PCLO: variants seen among roughly 807,000 people sequenced by gnomAD.
PCLO encodes the protein protein piccolo.
Under a neutral mutation model 427.5 loss-of-function variants are expected in PCLO, and 82 were observed. The ratio of observed to expected loss-of-function variants is 0.19; its 90% confidence interval spans 0.16 to 0.23. PCLO has a LOEUF of 0.23. Among genes scored for constraint, PCLO ranks in the 10% least tolerant of loss-of-function variants. The pLI, the probability that PCLO is intolerant of heterozygous loss-of-function variation, is 1.00. For missense variants in PCLO, 6,239 were observed against 6,115.9 expected (o/e 1.02, Z -0.67); for synonymous variants, 2,357 against 2,155.4 (o/e 1.09, Z -2.59).
intron 8 of PCLO, among the ~76,000 whole-genome samples, chr7:82,906,808 G>T (rs900998974): frequency 6.6e-6 from 1 of 151,804 alleles, no homozygotes; most frequent in Admixed American, 6.6e-5. Flanking sequence ...TTGTTTGTAT[G>T]TTAGATGTGA....
At chr7:83,158,867 T>A (rs1792366120) in intron 1 of PCLO, among the ~76,000 whole-genome samples, 1 of 151,818 alleles carries the variant, frequency 6.6e-6, no homozygotes, top group Non-Finnish European at 1.5e-5. Context: ...GATCTTTGAG[T>A]GGGAAATGGA....
chr7:82,812,370 G>C (rs1220154455), intron 20 of PCLO, among the ~76,000 whole-genome samples: 1 of 151,444 alleles, frequency 6.6e-6, no homozygotes, highest in East Asian at 1.9e-4. Context: ...ATACATGTTG[G>C]CTCCGTATAC....
At chr7:82,964,336 C>T (rs1425647827) in intron 4 of PCLO, among the ~76,000 whole-genome samples, 6 of 151,874 alleles carry the variant, frequency 4.0e-5, no homozygotes, top group Non-Finnish European at 8.8e-5. Context: ...ACTGTTTCTA[C>T]AGAGAAGTGG....
At chr7:82,829,640 T>C (rs1792042206) in intron 16 of PCLO, among the ~76,000 whole-genome samples, 1 of 152,136 alleles carries the variant, frequency 6.6e-6, no homozygotes, top group Admixed American at 6.6e-5. Flanking sequence ...TCATAGACTA[T>C]GGATAGGAAG....
At chr7:83,052,128 T>C (rs748013021) in intron 3 of PCLO, among the ~76,000 whole-genome samples, 4 of 151,932 alleles carry the variant, frequency 2.6e-5, no homozygotes, top group Non-Finnish European at 5.9e-5. Flanking sequence ...GGTTTGGAGA[T>C]GATATTTTAA....
At chr7:82,851,937 A>T (rs2115850023) in intron 10 of PCLO, among the ~76,000 whole-genome samples, 1 of 152,196 alleles carries the variant, frequency 6.6e-6, no homozygotes, top group Non-Finnish European at 1.5e-5. Context: ...AGAGAAGTGG[A>T]TTTTATTTTT....
intron 13 of PCLO, among the ~76,000 whole-genome samples, chr7:82,841,860 C>T (rs954486483): frequency 2.6e-5 from 4 of 152,004 alleles, no homozygotes; most frequent in African/African-American, 9.7e-5. Flanking sequence ...AAAATACATT[C>T]AACAAATAAA....
At chr7:82,767,885 A>T (rs1790564269) in intron 22 of PCLO, among the ~76,000 whole-genome samples, 1 of 152,084 alleles carries the variant, frequency 6.6e-6, no homozygotes, top group African/African-American at 2.4e-5. Context: ...TGAAAGATAT[A>T]TCAATGTATA....
intron 3 of PCLO, among the ~76,000 whole-genome samples, chr7:82,990,390 A>C (rs534714417): frequency 6.6e-6 from 1 of 152,200 alleles, no homozygotes; most frequent in African/African-American, 2.4e-5. Context: ...GACACAATTT[A>C]ATTACCAGAC....
chr7:82,838,349 G>C lies in PCLO; in HGVS notation c.14098-7C>G. The C allele has an allele frequency of 7.0e-7, 1 of 1,430,332 alleles. No homozygotes were observed. Among genetic ancestry groups the C allele is most frequent in the South Asian group, 1.3e-5 (1 of 76,996 alleles). 88.6% of individuals were successfully genotyped at this position (1,430,332 alleles called of 1,614,324 possible). ...GATCATAGTTAATTTGAAGCTTTAG[G>C]AGAGAGAAAAATATTCCATAAGTTT... On this transcript the variant is annotated splice_region_variant and splice_polypyrimidine_tract_variant and intron_variant, in intron 14 of 24. Transcript: ENST00000333891.
At chr7:82,784,568 T>C (rs903416456) in intron 22 of PCLO, among the ~76,000 whole-genome samples, 1 of 152,232 alleles carries the variant, frequency 6.6e-6, no homozygotes, top group Non-Finnish European at 1.5e-5. Flanking sequence ...TTTGGTACTT[T>C]GTTTAGTTTA....
chr7:82,861,139 C>T lies in PCLO; in HGVS notation c.13655-13892G>A, dbSNP rs142464664. Among the ~76,000 whole-genome samples the T allele has an allele frequency of 2.5e-3, 386 of 152,090 alleles. 1 individual carries two copies. The highest frequency in any genetic ancestry group is 8.8e-3 in the African/African-American group (364 of 41,540). On this transcript the variant is annotated intron_variant, in intron 10 of 24. Coordinates refer to ENST00000333891, the MANE Select transcript of PCLO (RefSeq NM_033026.6). The stretch of plus-strand genomic sequence containing the variant: ...ACATTGAATGTAAATGGACTAAACA[C>T]TTCGATCAAAAGATATAGAGTGGCT...
At chr7:83,105,202 C>G (rs1320328460) in intron 3 of PCLO, among the ~76,000 whole-genome samples, 1 of 152,086 alleles carries the variant, frequency 6.6e-6, no homozygotes, top group African/African-American at 2.4e-5. Context: ...AGCAATACAT[C>G]ACTTAACAAA....
At chr7:83,125,223 G>A (rs1013080562) in intron 3 of PCLO, among the ~76,000 whole-genome samples, 2 of 151,904 alleles carry the variant, frequency 1.3e-5, no homozygotes, top group Admixed American at 6.6e-5. Context: ...CCATTGTCTG[G>A]GATGTGAGGA....
Position 82,845,394 on chromosome 7 carries a change from T to C in PCLO, c.13923A>G (p.Ser4641=). The C allele has an allele frequency of 1.2e-6, 2 of 1,613,358 alleles. 1 individual carries two copies. Among genetic ancestry groups the C allele is most frequent in the East Asian group, 4.5e-5 (2 of 44,774 alleles). The change falls in exon 13 of 25, where the codon TCA becomes TCG. Residue 4641 remains serine (S), a synonymous_variant. Coordinates refer to ENST00000333891, the MANE Select transcript of PCLO (RefSeq NM_033026.6). ...CATGAGATCCTTTTTCAACAACTGA[T>C]GACAGAACCAGCGGTGACTGCTGTA... ...VSLQQSPLVL[S]SVVEKGSHVH...
chr7:83,012,807 C>T (rs1331434664), intron 3 of PCLO, among the ~76,000 whole-genome samples: 2 of 152,026 alleles, frequency 1.3e-5, no homozygotes, highest in Admixed American at 6.6e-5. Context: ...CAGATCAAAA[C>T]CTCTAGATTA....
At chr7:82,790,407 C>T (rs561848705) in intron 22 of PCLO, among the ~76,000 whole-genome samples, 3 of 152,266 alleles carry the variant, frequency 2.0e-5, no homozygotes, top group African/African-American at 7.2e-5. Flanking sequence ...CACAAGTTCA[C>T]CAATATCACG....
intron 3 of PCLO, among the ~76,000 whole-genome samples, chr7:82,990,806 T>C (rs1796359566): frequency 1.3e-5 from 2 of 152,118 alleles, no homozygotes; most frequent in South Asian, 2.1e-4. Context: ...TAATATAGCA[T>C]ATAAACTGGG....
intron 6 of PCLO, among the ~76,000 whole-genome samples, chr7:82,917,922 T>C (rs565034339): frequency 7.9e-5 from 12 of 152,144 alleles, no homozygotes; most frequent in African/African-American, 2.4e-4. Flanking sequence ...TGTACTTTCA[T>C]TGCCTTTTTA....
Sources: gnomAD v4.1 joint callset for allele counts (sites outside exome capture counted in the v4.1 genomes callset) on GRCh38, gnomAD v4.1.1 for gene constraint, MANE v1.5 for transcripts, NCBI Gene and HGNC (gene_info 2026-07-23, HGNC 2026-07-21) for gene names.